LRP1B: variants seen among roughly 807,000 people sequenced by gnomAD.
LRP1B encodes low-density lipoprotein receptor-related protein 1B.
LRP1B carries 217 observed loss-of-function variants against 556.6 expected under a neutral mutation model. The ratio of observed to expected loss-of-function variants is 0.39; its 90% CI spans 0.35 to 0.44. LRP1B has a LOEUF of 0.44. LRP1B is among the 20% of genes least tolerant of loss of function. The pLI is 1.00. For synonymous variants in LRP1B, 2,047 were observed against 1,865.8 expected (o/e 1.10, Z -2.50); for missense variants, 5,053 against 5,620.8 (o/e 0.90, Z 3.23).
chr2:141,542,978 A>G (rs1429292889), intron 2 of LRP1B, among the ~76,000 whole-genome samples: 1 of 152,166 alleles, frequency 6.6e-6, no homozygotes, highest in Admixed American at 6.6e-5. Context: ...CTATCTCATT[A>G]AGTGAAAAGA....
chr2:141,929,801 T>C (rs1700436318), intron 1 of LRP1B, among the ~76,000 whole-genome samples: 1 of 151,118 alleles, frequency 6.6e-6, no homozygotes. Context: ...CAAATACTGG[T>C]GTTTGCATGA....
intron 83 of LRP1B, among the ~76,000 whole-genome samples, chr2:140,306,688 C>T (rs1684082494): frequency 6.6e-6 from 1 of 151,764 alleles, no homozygotes; most frequent in Non-Finnish European, 1.5e-5. Flanking sequence ...TTATTTCTTG[C>T]CTTCTGCTAG....
chr2:141,765,584 A>G (rs1444597476), intron 2 of LRP1B, among the ~76,000 whole-genome samples: 2 of 152,222 alleles, frequency 1.3e-5, no homozygotes, highest in South Asian at 4.1e-4. Flanking sequence ...GCTAAATTTC[A>G]TAACACATCC....
intron 7 of LRP1B, among the ~76,000 whole-genome samples, chr2:141,099,602 C>T (rs973435113): frequency 2.0e-5 from 3 of 152,210 alleles, no homozygotes; most frequent in Non-Finnish European, 2.9e-5. Context: ...TGTCTGCACA[C>T]ATAGACATCT....
chr2:142,077,533 T>G (rs1266767850), intron 1 of LRP1B, among the ~76,000 whole-genome samples: 1 of 152,168 alleles, frequency 6.6e-6, no homozygotes, highest in East Asian at 1.9e-4. Context: ...TGTCTATTAG[T>G]AAGAATAGAG....
chr2:140,294,174 CAAG>C (rs898023668), intron 84 of LRP1B, among the ~76,000 whole-genome samples: 23 of 151,742 alleles, frequency 1.5e-4, no homozygotes, highest in Admixed American at 1.2e-3. Context: ...AAGATAAAAA[CAAG>C]AGGGGAAAAT....
chr2:141,739,053 C>T (rs955516893), intron 2 of LRP1B, among the ~76,000 whole-genome samples: 1 of 152,038 alleles, frequency 6.6e-6, no homozygotes, highest in Non-Finnish European at 1.5e-5. Flanking sequence ...TTACTTCCTA[C>T]TCAGAGTTCT....
intron 84 of LRP1B, among the ~76,000 whole-genome samples, chr2:140,289,802 A>G (rs1346042951): frequency 6.6e-6 from 1 of 151,948 alleles, no homozygotes; most frequent in Admixed American, 6.6e-5. Flanking sequence ...CACACTAGAA[A>G]ATATATGTAT....
chr2:140,289,194 C>A (rs1354210114), intron 84 of LRP1B, among the ~76,000 whole-genome samples: 1 of 151,898 alleles, frequency 6.6e-6, no homozygotes, highest in African/African-American at 2.4e-5. Flanking sequence ...AAACATGCTG[C>A]TGAAATTTCA....
intron 6 of LRP1B, among the ~76,000 whole-genome samples, chr2:141,210,307 A>G (rs1018773363): frequency 6.6e-5 from 10 of 152,148 alleles, no homozygotes; most frequent in African/African-American, 2.2e-4. Context: ...CAAAATAAAA[A>G]TTTTAAAATG....
chr2:141,572,411 G>C (rs1350342698), intron 2 of LRP1B, among the ~76,000 whole-genome samples: 1 of 152,098 alleles, frequency 6.6e-6, no homozygotes, highest in Non-Finnish European at 1.5e-5. Flanking sequence ...GGCCTGCCCT[G>C]CAAGAGATCC....
At chr2:141,453,181 G>A (rs1485809590) in intron 3 of LRP1B, among the ~76,000 whole-genome samples, 2 of 152,022 alleles carry the variant, frequency 1.3e-5, no homozygotes, top group East Asian at 1.9e-4. Flanking sequence ...AGTTTGCAGT[G>A]AGCTGAGATT....
chr2:141,022,055 C>A (rs1445607015), intron 11 of LRP1B, among the ~76,000 whole-genome samples: 1 of 151,252 alleles, frequency 6.6e-6, no homozygotes, highest in Non-Finnish European at 1.5e-5. Context: ...ATAATATTTT[C>A]TTGCATTTTT....
chr2:141,262,045 G>A (rs1282704537), intron 3 of LRP1B, among the ~76,000 whole-genome samples: 1 of 151,920 alleles, frequency 6.6e-6, no homozygotes, highest in African/African-American at 2.4e-5. Context: ...CCCAGCAGTT[G>A]GTATTTTCAG....
chr2:140,691,939 T>C (rs1686257685), intron 41 of LRP1B, among the ~76,000 whole-genome samples: 1 of 152,184 alleles, frequency 6.6e-6, no homozygotes, highest in South Asian at 2.1e-4. Flanking sequence ...AATCTTATTA[T>C]AGCTATTGTT....
In LRP1B at chr2:141,807,688, C is replaced by T. The variant is rs182552977; in HGVS notation, c.205+2591G>A. ...GCAATTTCCAATTTGAGGCCTCCAT[C>T]TGCTAAAAGCCCCTAAACTCTGTGA... On this transcript the variant is annotated intron_variant, in intron 2 of 90. Coordinates refer to ENST00000389484, the MANE Select transcript of LRP1B (RefSeq NM_018557.3). Among the ~76,000 whole-genome samples, 346 of 152,196 alleles carry T rather than the reference C, an allele frequency of 2.3e-3. 1 individual carries two copies. Among genetic ancestry groups the T allele is most frequent in the African/African-American group, 8.1e-3 (337 of 41,534 alleles).
At chr2:141,533,441 T>G (rs1039463529) in intron 2 of LRP1B, among the ~76,000 whole-genome samples, 4 of 152,174 alleles carry the variant, frequency 2.6e-5, no homozygotes, top group African/African-American at 7.2e-5. Context: ...AAGGAAGCAA[T>G]CTCCATTTGG....
chr2:141,206,929 T>C (rs1052687023), intron 6 of LRP1B, among the ~76,000 whole-genome samples: 1 of 152,208 alleles, frequency 6.6e-6, no homozygotes, highest in African/African-American at 2.4e-5. Flanking sequence ...GTAGTGTGTG[T>C]CATAACAATA....
At chr2:141,808,300 T>C (rs1453221685) in intron 2 of LRP1B, among the ~76,000 whole-genome samples, 1 of 152,020 alleles carries the variant, frequency 6.6e-6, no homozygotes, top group Non-Finnish European at 1.5e-5. Flanking sequence ...CACAGGAGGA[T>C]CAGGGCAGAA....
Sources: allele counts gnomAD v4.1 joint callset (sites outside exome capture counted in the v4.1 genomes callset), GRCh38; gene constraint gnomAD v4.1.1; transcripts MANE v1.5; gene names NCBI Gene and HGNC (gene_info 2026-07-23, HGNC 2026-07-21).